TBCK: variants seen among roughly 807,000 people sequenced by gnomAD.
TBCK encodes TBC1 domain containing kinase, also known as TBC domain-containing protein kinase-like protein.
In TBCK, 99 loss-of-function variants were observed where a neutral mutation model predicts 113.4. The ratio of observed to expected loss-of-function variants is 0.87; its 90% confidence interval spans 0.74 to 1.03. The LOEUF is 1.03. Among genes scored for constraint, TBCK ranks in the 50% least tolerant of loss-of-function variants. The pLI is 0.00. For missense variants in TBCK, 1,045 were observed against 1,061.3 expected, an observed-to-expected ratio of 0.98 and a Z score of 0.21; for synonymous variants, 369 against 370.8, an observed-to-expected ratio of 1.00 and a Z score of 0.05.
intron 25 of TBCK, among the ~76,000 whole-genome samples, chr4:106,055,421 A>T (rs1560584919): frequency 1.3e-5 from 2 of 151,710 alleles, no homozygotes; most frequent in African/African-American, 4.8e-5. Flanking sequence ...AAGATAATTT[A>T]AAATTTTTAA....
intron 2 of TBCK, among the ~76,000 whole-genome samples, chr4:106,305,044 G>GAC (rs1460412436): frequency 1.3e-5 from 2 of 152,088 alleles, no homozygotes; most frequent in Admixed American, 6.5e-5. Flanking sequence ...TGTGCCTATA[G>GAC]ATTAAATCTG....
At chr4:106,100,903 T>C (rs1388444133) in intron 24 of TBCK, among the ~76,000 whole-genome samples, 1 of 152,204 alleles carries the variant, frequency 6.6e-6, no homozygotes, top group Non-Finnish European at 1.5e-5. Context: ...AACAATGTGA[T>C]TTTTCAATGC....
At chr4:106,210,549 T>TC (rs1008903185) in intron 20 of TBCK, among the ~76,000 whole-genome samples, 1 of 152,140 alleles carries the variant, frequency 6.6e-6, no homozygotes, top group African/African-American at 2.4e-5. Flanking sequence ...AAATGAGCAT[T>TC]CCCTCTAAAT....
intron 20 of TBCK, among the ~76,000 whole-genome samples, chr4:106,212,259 T>C (rs781437405): frequency 9.2e-5 from 14 of 152,164 alleles, no homozygotes; most frequent in Admixed American, 8.5e-4. Flanking sequence ...CTTGATTCTA[T>C]GTGACAAACA....
At chr4:106,257,316 T>C (rs1293015363) in intron 5 of TBCK, among the ~76,000 whole-genome samples, 3 of 152,208 alleles carry the variant, frequency 2.0e-5, no homozygotes, top group African/African-American at 7.2e-5. Context: ...TTAAATTATG[T>C]CCTCTTACAA....
At chr4:106,047,665 T>C (rs1385314477) in intron 25 of TBCK, among the ~76,000 whole-genome samples, 1 of 152,202 alleles carries the variant, frequency 6.6e-6, no homozygotes, top group African/African-American at 2.4e-5. Context: ...AATTATCCAT[T>C]TAAGAGCTTC....
chr4:106,273,689 T>C (rs73838195), intron 3 of TBCK, among the ~76,000 whole-genome samples: 2,786 of 152,156 alleles, frequency 0.018, 82 homozygotes, highest in African/African-American at 0.061. Flanking sequence ...GGGGCAAAGA[T>C]TGAAGTGATG....
chr4:106,120,694 C>A (rs557941290), intron 23 of TBCK, among the ~76,000 whole-genome samples: 1 of 152,208 alleles, frequency 6.6e-6, no homozygotes, highest in South Asian at 2.1e-4. Flanking sequence ...AGGCACCCCC[C>A]AGCAGGGGCA....
intron 25 of TBCK, among the ~76,000 whole-genome samples, chr4:106,070,401 T>G (rs1055832049): frequency 4.6e-5 from 7 of 152,216 alleles, no homozygotes; most frequent in Non-Finnish European, 8.8e-5. Flanking sequence ...GAGATAATCA[T>G]GTGGTTTTTG....
At chr4:106,251,178 A>G in intron 6 of TBCK, 1 of 377,200 alleles carries the variant, frequency 2.7e-6, no homozygotes, top group Non-Finnish European at 5.3e-6. Flanking sequence ...TACCACCTGA[A>G]GTTTCACTTT....
chr4:106,221,775 T>G (rs777613916), intron 19 of TBCK, among the ~76,000 whole-genome samples: 3 of 151,976 alleles, frequency 2.0e-5, no homozygotes, highest in Non-Finnish European at 2.9e-5. Context: ...GTAATTGACA[T>G]GGACACAAAG....
At chr4:106,276,993 C>T (rs1764096861) in intron 3 of TBCK, among the ~76,000 whole-genome samples, 1 of 151,732 alleles carries the variant, frequency 6.6e-6, no homozygotes, top group Non-Finnish European at 1.5e-5. Context: ...ACAAAGAATG[C>T]CTACAAATCA....
chr4:106,277,375 CA>C lies in TBCK; in HGVS notation c.267-15164del, dbSNP rs371962075. On this transcript the variant is annotated intron_variant, in intron 3 of 25. Coordinates refer to ENST00000394708, the MANE Select transcript of TBCK (RefSeq NM_001163435.3). Reference sequence around the variant, plus strand: ...CATGAAAAATGAAAACAGAAGGCCACAAAAAAAAGACTTAACAGGGCATTTA... The same window carrying C: ...CATGAAAAATGAAAACAGAAGGCCACAAAAAAAGACTTAACAGGGCATTTA... Among the ~76,000 whole-genome samples the C allele has an allele frequency of 2.0e-5, 3 of 150,848 alleles. No individual in the cohort carries two copies. In the East Asian group the frequency reaches 5.8e-4, roughly 29 times the overall value.
intron 6 of TBCK, 60 bp downstream of exon 6, chr4:106,251,806 A>C: frequency 7.3e-7 from 1 of 1,367,428 alleles, no homozygotes; most frequent in Admixed American, 2.6e-5. Context: ...TCCTCTCCAA[A>C]AGATTATTCC....
chr4:106,237,485 T>C (rs1163058435), intron 12 of TBCK: 1 of 455,884 alleles, frequency 2.2e-6, no homozygotes, highest in East Asian at 7.0e-5. Context: ...GTTAATGCCA[T>C]CTTGCCTGCT....
chr4:106,308,771 G>GCTTT lies in TBCK; in HGVS notation c.186_189dup (p.His64LysfsTer3). ...GAAAAAAAAGAAAATAACTTACCAT[G>GCTTT]CTTTCCCCTAGAAATATCCACATAC... On this transcript the variant is annotated frameshift_variant, in exon 2 of 26. Coordinates refer to ENST00000394708, the MANE Select transcript of TBCK (RefSeq NM_001163435.3). LOFTEE classifies it high-confidence loss of function. 3.1e-6 allele frequency: 5 copies of GCTTT among 1,607,484 alleles called. No individual in the cohort carries two copies. The highest frequency in any genetic ancestry group is 4.2e-6 in the Non-Finnish European group (5 of 1,178,128).
chr4:106,264,318 C>G (rs1762775932), intron 3 of TBCK, among the ~76,000 whole-genome samples: 2 of 151,844 alleles, frequency 1.3e-5, no homozygotes, highest in South Asian at 4.1e-4. Flanking sequence ...ATGTAGAAAT[C>G]TAAAAGAAGT....
intron 2 of TBCK, among the ~76,000 whole-genome samples, chr4:106,305,291 T>A (rs1345163049): frequency 6.8e-6 from 1 of 146,772 alleles, no homozygotes; most frequent in Non-Finnish European, 1.5e-5. Context: ...TCTTTTTAAA[T>A]TAAGAATAAT....
chr4:106,239,563 A>C (rs958684974), intron 12 of TBCK, among the ~76,000 whole-genome samples: 7 of 152,108 alleles, frequency 4.6e-5, no homozygotes, highest in African/African-American at 1.4e-4. Context: ...GCCCACCAAT[A>C]GGTGACATTT....
Sources: gnomAD v4.1 joint callset for allele counts (sites outside exome capture counted in the v4.1 genomes callset) on GRCh38, gnomAD v4.1.1 for gene constraint, MANE v1.5 for transcripts, NCBI Gene and HGNC (gene_info 2026-07-23, HGNC 2026-07-21) for gene names.